VTI1A: variants seen among roughly 807,000 people sequenced by gnomAD.
VTI1A encodes the protein vesicle transport through interaction with t-SNAREs 1A.
In VTI1A, 22 loss-of-function variants were observed where a neutral mutation model predicts 34.9. The ratio of observed to expected loss-of-function variants is 0.63; its 90% CI spans 0.45 to 0.90. The LOEUF is 0.90. Ranked by LOEUF, VTI1A falls within the 40% of genes least tolerant of loss-of-function variation. The probability of loss-of-function intolerance (pLI) is 0.00; values close to 1 mark genes in which losing one functional copy is unlikely to be tolerated. For missense variants in VTI1A, 268 were observed against 275.6 expected (o/e 0.97, Z 0.20); for synonymous variants, 87 against 97.3 (o/e 0.89, Z 0.62).
intron 7 of VTI1A, among the ~76,000 whole-genome samples, chr10:112,740,020 A>G (rs372475368): frequency 1.3e-5 from 2 of 152,248 alleles, no homozygotes; most frequent in African/African-American, 4.8e-5. Flanking sequence ...GCCAAACAAT[A>G]ACACAAAAAT....
chr10:112,731,620 A>G (rs754223088), intron 7 of VTI1A, among the ~76,000 whole-genome samples: 16 of 152,010 alleles, frequency 1.1e-4, no homozygotes, highest in Non-Finnish European at 1.6e-4. Flanking sequence ...ATGAGAAGGC[A>G]TATTTTAGGA....
intron 7 of VTI1A, among the ~76,000 whole-genome samples, chr10:112,809,108 G>A (rs1437688181): frequency 6.6e-6 from 1 of 152,134 alleles, no homozygotes; most frequent in Non-Finnish European, 1.5e-5. Context: ...TCTCGCGATG[G>A]GGCTGAGGAT....
intron 7 of VTI1A, among the ~76,000 whole-genome samples, chr10:112,740,587 G>A (rs1417222717): frequency 6.6e-6 from 1 of 152,136 alleles, no homozygotes; most frequent in African/African-American, 2.4e-5. Context: ...GCCCATCCTT[G>A]AACATTTTCT....
At chr10:112,616,711 A>G (rs1175870685) in intron 5 of VTI1A, among the ~76,000 whole-genome samples, 5 of 152,212 alleles carry the variant, frequency 3.3e-5, no homozygotes, top group African/African-American at 1.2e-4. Flanking sequence ...TAAATGATCA[A>G]GCAATATAAG....
intron 7 of VTI1A, among the ~76,000 whole-genome samples, chr10:112,731,016 G>A (rs1290516974): frequency 6.6e-6 from 1 of 152,050 alleles, no homozygotes; most frequent in Non-Finnish European, 1.5e-5. Context: ...ATATATTAAA[G>A]TGATTAAGGA....
At chr10:112,575,844 CT>C (rs150399607) in intron 5 of VTI1A, among the ~76,000 whole-genome samples, 11,385 of 152,086 alleles carry the variant, frequency 0.075, 557 homozygotes, top group Middle Eastern at 0.18. Flanking sequence ...TCAAATTGTT[CT>C]GTTAAATTAA....
intron 7 of VTI1A, among the ~76,000 whole-genome samples, chr10:112,761,398 A>G (rs1851458320): frequency 6.6e-6 from 1 of 152,184 alleles, no homozygotes; most frequent in African/African-American, 2.4e-5. Flanking sequence ...GCTTTTGTAC[A>G]AACAAGGAGC....
intron 5 of VTI1A, among the ~76,000 whole-genome samples, chr10:112,655,153 G>C (rs371496673): frequency 7.2e-5 from 11 of 152,202 alleles, no homozygotes; most frequent in African/African-American, 2.6e-4. Context: ...ATACACACCC[G>C]TACTGAATTA....
Position 112,668,968 on chromosome 10 carries a change from G to A in VTI1A, c.530G>A (p.Ser177Asn). 6.2e-7 allele frequency: 1 copy of A among 1,612,464 alleles called. No homozygotes were observed. Residue 177 changes from serine (S) to asparagine (N), a missense_variant, in exon 7 of 8, where the codon AGC becomes AAC. By Grantham distance (46) the Ser-to-Asn change is conservative. Transcript: ENST00000393077. ...LRETDANLGK[S>N]SRILTGMLRR... ...GAAACAGATGCTAATTTGGGAAAAA[G>A]CTCCAGGATTCTGACAGGGATGTTG...
intron 1 of VTI1A, among the ~76,000 whole-genome samples, chr10:112,450,896 C>T (rs1001669306): frequency 4.6e-5 from 7 of 152,080 alleles, no homozygotes; most frequent in African/African-American, 1.4e-4. Context: ...TTGTGAAGTT[C>T]CTTTTCCTCT....
Position 112,817,173 on chromosome 10 carries a change from G to A in VTI1A, c.*1790G>A, listed in dbSNP as rs897641175. The A allele has an allele frequency of 5.2e-5, 12 of 232,452 alleles. No individual in the cohort carries two copies. In the East Asian group the frequency reaches 5.4e-4, roughly 11 times the overall value. The allele number at this position is 232,452 out of a possible 1,614,324, so 14.4% of individuals were successfully genotyped here. On this transcript the variant is annotated 3_prime_UTR_variant, in exon 8 of 8. Transcript: ENST00000393077. ...CAACCCTTTTCTCATTCCGACACAC[G>A]AATAGTCATCGAGTATTACACCAGC...
chr10:112,778,166 C>T (rs1420816786), intron 7 of VTI1A, among the ~76,000 whole-genome samples: 3 of 152,118 alleles, frequency 2.0e-5, no homozygotes, highest in African/African-American at 7.2e-5. Context: ...ATGGAGCTCA[C>T]ATTACTCTAG....
At chr10:112,616,940 A>G (rs1000927945) in intron 5 of VTI1A, among the ~76,000 whole-genome samples, 12 of 152,220 alleles carry the variant, frequency 7.9e-5, no homozygotes, top group African/African-American at 2.7e-4. Flanking sequence ...CCAAAAAGAC[A>G]TCAAATTAGA....
chr10:112,654,978 C>CT (rs1443478891), intron 5 of VTI1A, among the ~76,000 whole-genome samples: 4 of 152,182 alleles, frequency 2.6e-5, no homozygotes, highest in African/African-American at 4.8e-5. Context: ...GTGAATAAAA[C>CT]TTTATTTACA....
At chr10:112,544,800 T>C (rs1469648718) in intron 5 of VTI1A, among the ~76,000 whole-genome samples, 1 of 152,156 alleles carries the variant, frequency 6.6e-6, no homozygotes, top group Non-Finnish European at 1.5e-5. Context: ...GGAATGAGAA[T>C]GTGCTCAGGA....
intron 5 of VTI1A, among the ~76,000 whole-genome samples, chr10:112,648,833 A>C (rs1187882984): frequency 6.6e-6 from 1 of 152,220 alleles, no homozygotes; most frequent in East Asian, 1.9e-4. Context: ...TTACCTGATC[A>C]ACAATTTCTC....
intron 3 of VTI1A, among the ~76,000 whole-genome samples, chr10:112,481,570 A>G (rs571130639): frequency 1.3e-5 from 2 of 152,342 alleles, no homozygotes; most frequent in Non-Finnish European, 2.9e-5. Context: ...TTCTGCATTT[A>G]GTAGGAGACA....
intron 5 of VTI1A, among the ~76,000 whole-genome samples, chr10:112,597,406 C>T (rs551180253): frequency 1.2e-4 from 19 of 152,086 alleles, no homozygotes; most frequent in African/African-American, 4.6e-4. Context: ...TTAGTAGAGA[C>T]AGGGTTTCTC....
chr10:112,596,909 TC>T (rs1844668528), intron 5 of VTI1A, among the ~76,000 whole-genome samples: 1 of 152,236 alleles, frequency 6.6e-6, no homozygotes, highest in African/African-American at 2.4e-5. Context: ...GTAAGCTTTT[TC>T]TTCTGTTCTT....
Sources: gnomAD v4.1 joint callset for allele counts (sites outside exome capture counted in the v4.1 genomes callset) on GRCh38, gnomAD v4.1.1 for gene constraint, MANE v1.5 for transcripts, NCBI Gene and HGNC (gene_info 2026-07-23, HGNC 2026-07-21) for gene names.